PTPN13: variants seen among roughly 807,000 people sequenced by gnomAD.
The protein encoded by PTPN13 is tyrosine-protein phosphatase non-receptor type 13.
Under a neutral mutation model 284.0 loss-of-function variants are expected in PTPN13, and 191 were observed. That is an observed-to-expected ratio of 0.67 (90% CI 0.60 to 0.76). The LOEUF is 0.76. PTPN13 is among the 30% of genes least tolerant of loss of function. PTPN13 has a pLI of 0.00. For missense variants in PTPN13, 2,797 were observed against 2,939.9 expected, an observed-to-expected ratio of 0.95 and a Z score of 1.12; for synonymous variants, 986 against 1,022.3, an observed-to-expected ratio of 0.96 and a Z score of 0.68.
chr4:86,625,086 T>G (rs1290513260), intron 1 of PTPN13, among the ~76,000 whole-genome samples: 2 of 152,142 alleles, frequency 1.3e-5, no homozygotes, highest in African/African-American at 4.8e-5. Context: ...CTCCTTTCCC[T>G]TTGACTTCAG....
intron 22 of PTPN13, 63 bp downstream of exon 22, chr4:86,758,848 C>A: frequency 6.3e-7 from 1 of 1,585,924 alleles, no homozygotes; most frequent in South Asian, 1.1e-5. Flanking sequence ...GGAACTTAGG[C>A]CAAACTAAAA....
rs757657341 is a variant in PTPN13 at position 86,758,939 on chromosome 4, C to T, written c.3422-3C>T. 2 of 1,611,880 alleles carry T rather than the reference C, an allele frequency of 1.2e-6. No homozygotes were observed. The highest frequency in any genetic ancestry group is 1.7e-5 in the Admixed American group (1 of 59,564). ...GAAAATACTGGATTGTCTATTTGTA[C>T]AGGAGACCGTTTGATATCTGTGAAT... On this transcript the variant is annotated splice_polypyrimidine_tract_variant and splice_region_variant and intron_variant, in intron 22 of 47. Coordinates refer to ENST00000411767, the MANE Select transcript of PTPN13 (RefSeq NM_080683.3).
chr4:86,777,182 T>C (rs1351699791), intron 35 of PTPN13, among the ~76,000 whole-genome samples: 1 of 152,248 alleles, frequency 6.6e-6, no homozygotes. Flanking sequence ...ATATTAACGT[T>C]CTGAAGGTCT....
In PTPN13 at chr4:86,597,667, G is replaced by A. The variant is rs186645365; in HGVS notation, c.-6+2878G>A. Among the ~76,000 whole-genome samples the A allele has an allele frequency of 2.5e-3, 377 of 152,314 alleles. 1 individual carries two copies. The highest frequency in any genetic ancestry group is 8.7e-3 in the African/African-American group (363 of 41,554). On this transcript the variant is annotated intron_variant, in intron 1 of 47. Coordinates refer to ENST00000411767, the MANE Select transcript of PTPN13 (RefSeq NM_080683.3). ...ATTCTTGTTTAGTGTCAGGCACTGT[G>A]AATAAGCACCCTGCTCTATCCTGCC...
intron 1 of PTPN13, among the ~76,000 whole-genome samples, chr4:86,619,623 T>A (rs994701099): frequency 6.6e-6 from 1 of 152,220 alleles, no homozygotes; most frequent in African/African-American, 2.4e-5. Flanking sequence ...CTAAATGTTT[T>A]CTCTAACATC....
At position 86,617,099 on chromosome 4, in the gene PTPN13, C is replaced by T. The variant is rs1270096228; in HGVS notation, c.-5-18153C>T. Among the ~76,000 whole-genome samples, 5 of 152,266 alleles carry T rather than the reference C, an allele frequency of 3.3e-5. No individual in the cohort carries two copies. The East Asian group carries it at 7.7e-4, about 24-fold the overall frequency. ...TGATTAGACCTATATTGAAGAGTCACTAGTGAGAATAGACTACTGAGGGAC... is the reference window on the plus strand; with the variant it reads ...TGATTAGACCTATATTGAAGAGTCATTAGTGAGAATAGACTACTGAGGGAC... On this transcript the variant is annotated intron_variant, in intron 1 of 47. Transcript: ENST00000411767.
At chr4:86,607,933 G>C (rs1464458156) in intron 1 of PTPN13, among the ~76,000 whole-genome samples, 1 of 151,936 alleles carries the variant, frequency 6.6e-6, no homozygotes, top group African/African-American at 2.4e-5. Context: ...ACAATGTTTA[G>C]ATGCTCATCA....
chr4:86,632,242 A>G (rs916464205), intron 1 of PTPN13, among the ~76,000 whole-genome samples: 3 of 152,174 alleles, frequency 2.0e-5, no homozygotes, highest in Non-Finnish European at 4.4e-5. Context: ...CCTAGCTAAG[A>G]TTATCTATAG....
chr4:86,761,171 A>AT (rs1166814661), intron 23 of PTPN13, among the ~76,000 whole-genome samples: 20 of 85,934 alleles, frequency 2.3e-4, no homozygotes, highest in South Asian at 1.4e-3. Flanking sequence ...TATATATATA[A>AT]ACACAACACA....
At chr4:86,694,984 A>C (rs1730453117) in intron 6 of PTPN13, among the ~76,000 whole-genome samples, 1 of 152,200 alleles carries the variant, frequency 6.6e-6, no homozygotes, top group Admixed American at 6.5e-5. Context: ...GTGAAAAATA[A>C]ATGTAGACCT....
At chr4:86,661,279 C>G (rs922665529) in intron 2 of PTPN13, 1 of 235,138 alleles carries the variant, frequency 4.3e-6, no homozygotes, top group Non-Finnish European at 8.6e-6. Flanking sequence ...ACTCAACATT[C>G]TGTGAGACAT....
chr4:86,717,585 C>A lies in PTPN13; in HGVS notation c.1385+468C>A, dbSNP rs147437781. Among the ~76,000 whole-genome samples, 25 of 152,078 alleles carry A rather than the reference C, an allele frequency of 1.6e-4. No homozygotes were observed. The East Asian group carries it at 3.3e-3, about 20-fold the overall frequency. ...TTTATAAAAGTTCTCAGAAATTCAT[C>A]AATTATATGAAAGACAAAGTATTGG... On this transcript the variant is annotated intron_variant, in intron 9 of 47. Transcript: ENST00000411767.
At chr4:86,695,993 T>C (rs1317544149) in intron 6 of PTPN13, among the ~76,000 whole-genome samples, 1 of 151,986 alleles carries the variant, frequency 6.6e-6, no homozygotes, top group Non-Finnish European at 1.5e-5. Flanking sequence ...ATTTATCAAA[T>C]TGTAAGGATT....
intron 3 of PTPN13, among the ~76,000 whole-genome samples, chr4:86,681,979 A>G (rs1404730010): frequency 6.6e-6 from 1 of 152,186 alleles, no homozygotes; most frequent in African/African-American, 2.4e-5. Context: ...TCTACAATGT[A>G]TATAATGTAA....
intron 7 of PTPN13, among the ~76,000 whole-genome samples, chr4:86,710,802 A>G (rs1732302732): frequency 6.6e-6 from 1 of 152,194 alleles, no homozygotes; most frequent in African/African-American, 2.4e-5. Flanking sequence ...AAGTTTTTAT[A>G]CCTCATTCTG....
chr4:86,677,761 A>T (rs761665799), intron 3 of PTPN13, among the ~76,000 whole-genome samples: 1 of 152,092 alleles, frequency 6.6e-6, no homozygotes, highest in Non-Finnish European at 1.5e-5. Context: ...CTAGCTAAAA[A>T]ACTAATTTCT....
At position 86,738,034 on chromosome 4, in the gene PTPN13, A is replaced by T. The variant is rs145631714; in HGVS notation, c.2304+2288A>T. 3.5e-3 allele frequency among the ~76,000 whole-genome samples: 529 copies of T among 152,162 alleles called. 3 individuals are homozygous for T. Among genetic ancestry groups the T allele is most frequent in the Middle Eastern group, 0.01 (3 of 294 alleles). On this transcript the variant is annotated intron_variant, in intron 15 of 47. Transcript: ENST00000411767. ...GAGCTACTGTGCCTGGCCTAGAATA[A>T]TACTTTTAAGATTCATCCATGGTGT...
intron 2 of PTPN13, among the ~76,000 whole-genome samples, chr4:86,671,442 G>A (rs1005345039): frequency 3.3e-5 from 5 of 152,076 alleles, no homozygotes; most frequent in African/African-American, 1.2e-4. Context: ...AGTTCACCTA[G>A]CAGTTTTCTT....
At chr4:86,746,823 G>A (rs2149191162) in intron 17 of PTPN13, among the ~76,000 whole-genome samples, 1 of 152,180 alleles carries the variant, frequency 6.6e-6, no homozygotes, top group South Asian at 2.1e-4. Flanking sequence ...TAGAGACGGG[G>A]TTTCACTATG....
Sources: gnomAD v4.1 joint callset for allele counts (sites outside exome capture counted in the v4.1 genomes callset) on GRCh38, gnomAD v4.1.1 for gene constraint, MANE v1.5 for transcripts, NCBI Gene and HGNC (gene_info 2026-07-23, HGNC 2026-07-21) for gene names.